Variants in RSPO2 observed in about 807,000 individuals in gnomAD.
RSPO2 encodes R-spondin 2.
Under a neutral mutation model 30.9 loss-of-function variants are expected in RSPO2, and 14 were observed. That is an observed-to-expected ratio of 0.45 (90% CI 0.30 to 0.71). The LOEUF (loss-of-function observed/expected upper bound fraction) is 0.71. RSPO2 is among the 30% of genes least tolerant of loss of function. The probability of loss-of-function intolerance (pLI) is 0.08; values close to 1 mark genes in which losing one functional copy is unlikely to be tolerated. For missense variants in RSPO2, 264 were observed against 301.9 expected (o/e 0.87, Z 0.93); for synonymous variants, 107 against 96.4 (o/e 1.11, Z -0.64).
chr8:107,979,909 T>A (rs1236073400), intron 3 of RSPO2, among the ~76,000 whole-genome samples: 2 of 152,116 alleles, frequency 1.3e-5, no homozygotes, highest in African/African-American at 4.8e-5. Context: ...TCAACCTATT[T>A]CCCCTGGTGA....
At chr8:108,026,982 CA>C (rs777747762) in intron 2 of RSPO2, among the ~76,000 whole-genome samples, 121 of 152,210 alleles carry the variant, frequency 7.9e-4, no homozygotes, top group Middle Eastern at 3.4e-3. Flanking sequence ...ATAGTCAATC[CA>C]AGTATAGGCG....
chr8:108,034,689 C>T (rs1332769036), intron 2 of RSPO2, among the ~76,000 whole-genome samples: 8 of 152,152 alleles, frequency 5.3e-5, no homozygotes, highest in African/African-American at 1.9e-4. Flanking sequence ...TACAGAGGCC[C>T]AGCCAAGAAG....
chr8:108,049,116 G>A (rs572322464), intron 2 of RSPO2, among the ~76,000 whole-genome samples: 2 of 152,032 alleles, frequency 1.3e-5, no homozygotes, highest in African/African-American at 2.4e-5. Context: ...GGAACTGGGG[G>A]ACGGATAGCA....
At chr8:108,057,758 A>C (rs1010545065) in intron 2 of RSPO2, among the ~76,000 whole-genome samples, 2 of 152,206 alleles carry the variant, frequency 1.3e-5, no homozygotes, top group African/African-American at 4.8e-5. Context: ...CTATTCCCTG[A>C]CTTGCAATAT....
In RSPO2 at chr8:107,991,249, A is replaced by AACACACACAC. The variant is rs60247229; in HGVS notation, c.95-2015_95-2006dup. On this transcript the variant is annotated intron_variant, in intron 2 of 5. Transcript: ENST00000276659. ...GCAACAGGAGTGAAACTCCATCTCA[A>AACACACACAC]ACACACACACACACACACACACACA... 2.3e-3 allele frequency among the ~76,000 whole-genome samples: 308 copies of AACACACACAC among 133,444 alleles called. 4 individuals carry two copies. The highest frequency in any genetic ancestry group is 7.8e-3 in the African/African-American group (280 of 35,848). 87.5% of individuals were successfully genotyped at this position (133,444 alleles called of 152,430 possible). A position where few individuals can be genotyped will look rare whatever the true frequency, so the allele number is the denominator to read the frequency against.
chr8:108,066,701 A>G (rs905741579), intron 2 of RSPO2, among the ~76,000 whole-genome samples: 1 of 152,238 alleles, frequency 6.6e-6, no homozygotes, highest in Non-Finnish European at 1.5e-5. Context: ...AAAAATATCT[A>G]TAGCTGAAAA....
chr8:108,064,110 T>C (rs1276549497), intron 2 of RSPO2, among the ~76,000 whole-genome samples: 3 of 152,164 alleles, frequency 2.0e-5, no homozygotes, highest in Non-Finnish European at 4.4e-5. Flanking sequence ...ATTCAGGACA[T>C]AGGCATGGGC....
At position 107,974,340 on chromosome 8, in the gene RSPO2, AAAAAAG is replaced by A. The variant is rs1405900289; in HGVS notation, c.284-13529_284-13524del. Among the ~76,000 whole-genome samples the A allele has an allele frequency of 2.6e-5, 4 of 151,982 alleles. No homozygotes were observed. In the East Asian group the frequency reaches 7.7e-4, roughly 29 times the overall value. ...CATCTCTACAAAAAAAAAAAAAAGA[AAAAAAG>A]AAAAAGAAAAGAAAAATTAGCTGGG... On this transcript the variant is annotated intron_variant, in intron 3 of 5. Coordinates refer to ENST00000276659, the MANE Select transcript of RSPO2 (RefSeq NM_178565.5).
At chr8:108,037,065 C>G (rs1393507963) in intron 2 of RSPO2, among the ~76,000 whole-genome samples, 4 of 152,122 alleles carry the variant, frequency 2.6e-5, no homozygotes, top group Non-Finnish European at 4.4e-5. Context: ...ACAGTGGCCT[C>G]TAAGTATTCA....
intron 2 of RSPO2, among the ~76,000 whole-genome samples, chr8:108,014,240 T>G (rs945557365): frequency 9.2e-5 from 14 of 152,184 alleles, no homozygotes; most frequent in African/African-American, 3.4e-4. Context: ...TTTACACTGC[T>G]GGTGGGAGTG....
chr8:108,026,176 A>C (rs1811210200), intron 2 of RSPO2, among the ~76,000 whole-genome samples: 1 of 152,222 alleles, frequency 6.6e-6, no homozygotes, highest in Admixed American at 6.5e-5. Context: ...AACAGCAGAC[A>C]AATCCAAGTT....
chr8:108,033,378 CTG>C (rs1337791041), intron 2 of RSPO2, among the ~76,000 whole-genome samples: 1 of 152,222 alleles, frequency 6.6e-6, no homozygotes, highest in Non-Finnish European at 1.5e-5. Flanking sequence ...GCCTGAATCA[CTG>C]TAAGAATATC....
intron 2 of RSPO2, among the ~76,000 whole-genome samples, chr8:108,068,650 A>G (rs888022723): frequency 3.3e-5 from 5 of 152,222 alleles, no homozygotes; most frequent in African/African-American, 7.2e-5. Flanking sequence ...TCAAGTTAAC[A>G]TTAGGTTATT....
Position 108,006,579 on chromosome 8 carries a change from A to AT in RSPO2, c.95-17336dup, listed in dbSNP as rs551430013. On this transcript the variant is annotated intron_variant, in intron 2 of 5. Coordinates refer to ENST00000276659, the MANE Select transcript of RSPO2 (RefSeq NM_178565.5). ...GCTCTAATTATTTACATTTTTATAG[A>AT]TTTTTTTTAATACTGGCAAACTGAT... 6.1e-3 allele frequency among the ~76,000 whole-genome samples: 921 copies of AT among 151,724 alleles called. 10 individuals are homozygous for AT. The highest frequency in any genetic ancestry group is 0.021 in the African/African-American group (867 of 41,392).
At chr8:107,907,527 G>A (rs1165168190) in intron 5 of RSPO2, among the ~76,000 whole-genome samples, 1 of 152,054 alleles carries the variant, frequency 6.6e-6, no homozygotes, top group African/African-American at 2.4e-5. Context: ...GGGTCACTTA[G>A]TCATTTCATC....
Position 108,033,049 on chromosome 8 carries a change from CAAAAAAAA to C in RSPO2, c.95-43813_95-43806del, listed in dbSNP as rs35774922. ...TGGGTGACAGAGCAAGACTCTGTCT[CAAAAAAAA>C]AAAAAAAAAAAAAAAAAAAAATTTG... On this transcript the variant is annotated intron_variant, in intron 2 of 5. Coordinates refer to ENST00000276659, the MANE Select transcript of RSPO2 (RefSeq NM_178565.5). 3.1e-4 allele frequency among the ~76,000 whole-genome samples: 21 copies of C among 68,748 alleles called. 1 individual carries two copies. The highest frequency in any genetic ancestry group is 8.3e-4 in the East Asian group (1 of 1,210). 45.1% of individuals were successfully genotyped at this position (68,748 alleles called of 152,430 possible).
intron 2 of RSPO2, among the ~76,000 whole-genome samples, chr8:108,037,888 T>C (rs1016300506): frequency 6.6e-6 from 1 of 152,220 alleles, no homozygotes; most frequent in Non-Finnish European, 1.5e-5. Flanking sequence ...TCATTGACAA[T>C]GCACCTGGGT....
chr8:108,075,761 C>G (rs978417781), intron 2 of RSPO2, among the ~76,000 whole-genome samples: 1 of 151,412 alleles, frequency 6.6e-6, no homozygotes, highest in African/African-American at 2.4e-5. Flanking sequence ...CAAACATCAA[C>G]TATGTGCAAA....
At chr8:108,039,357 T>C (rs1811687457) in intron 2 of RSPO2, among the ~76,000 whole-genome samples, 1 of 152,184 alleles carries the variant, frequency 6.6e-6, no homozygotes, top group Non-Finnish European at 1.5e-5. Flanking sequence ...ATGCTTGTTT[T>C]AGAGGTATTA....
Sources: gnomAD v4.1 joint callset for allele counts (sites outside exome capture counted in the v4.1 genomes callset) on GRCh38, gnomAD v4.1.1 for gene constraint, MANE v1.5 for transcripts, NCBI Gene and HGNC (gene_info 2026-07-23, HGNC 2026-07-21) for gene names.